The following MAP1B variants were observed in gnomAD, a reference collection of about 807,000 sequenced individuals.
MAP1B encodes microtubule associated protein 1B.
Under a neutral mutation model 176.1 loss-of-function variants are expected in MAP1B, and 12 were observed. The ratio of observed to expected loss-of-function variants is 0.07; its 90% CI spans 0.04 to 0.11. The LOEUF is 0.11. MAP1B is among the 10% of genes least tolerant of loss of function. The probability of loss-of-function intolerance (pLI) is 1.00; values close to 1 mark genes in which losing one functional copy is unlikely to be tolerated. For missense variants in MAP1B, 2,523 were observed against 2,990.5 expected (o/e 0.84, Z 3.65); for synonymous variants, 1,044 against 1,135.0 (o/e 0.92, Z 1.61).
chr5:72,164,550 C>T (rs1451077021), intron 2 of MAP1B, among the ~76,000 whole-genome samples: 1 of 152,176 alleles, frequency 6.6e-6, no homozygotes, highest in Non-Finnish European at 1.5e-5. Context: ...GTTGCCAACT[C>T]ATCTCTTTGC....
rs138237390 is a variant in MAP1B at position 72,142,991 on chromosome 5, A to G, written c.286+27192A>G. On this transcript the variant is annotated intron_variant, in intron 2 of 6. Transcript: ENST00000296755. ...TAAGATTTTCTAGTTGTTGTGTGAA[A>G]TCCATAGTGAAAAGTCTGATTGCAT... Among the ~76,000 whole-genome samples, 30 of 152,264 alleles carry G rather than the reference A, an allele frequency of 2.0e-4. 1 individual carries two copies. In the East Asian group the frequency reaches 2.9e-3, roughly 15 times the overall value.
chr5:72,156,828 C>G (rs906177337), intron 2 of MAP1B, among the ~76,000 whole-genome samples: 26 of 152,316 alleles, frequency 1.7e-4, no homozygotes, highest in African/African-American at 6.3e-4. Context: ...CCCCAGAGGT[C>G]CAACTGAGTA....
chr5:72,194,376 A>G lies in MAP1B; in HGVS notation c.1021A>G (p.Thr341Ala). 6.2e-7 allele frequency: 1 copy of G among 1,614,180 alleles called. No homozygotes were observed. Among genetic ancestry groups the G allele is most frequent in the Non-Finnish European group, 8.5e-7 (1 of 1,180,038 alleles). ...GGAAGAACAGTCCCAGGGCTCCACC[A>G]CAAATAGTGACTGGATGAAAAACCT... ...LEEEQSQGST[T>A]NSDWMKNLIS... is the part of the protein sequence containing the mutation. Residue 341 changes from threonine to alanine, a missense_variant, in exon 5 of 7, where the codon ACA becomes GCA. Transcript: ENST00000296755. The surrounding 1 kb of genome is among the most constrained non-coding windows in gnomAD (Gnocchi z 7.2).
In MAP1B at chr5:72,186,826, G is replaced by A. The variant is rs1746909230; in HGVS notation, c.510+72G>A. ...CTTAGGTTCCTCTTTGAGAGCACTGGGGGAGACAAAAGAAGAAGGGAGGGA... is the reference window on the plus strand; with the variant it reads ...CTTAGGTTCCTCTTTGAGAGCACTGAGGGAGACAAAAGAAGAAGGGAGGGA... On this transcript the variant is annotated intron_variant, in intron 4 of 6. Coordinates refer to ENST00000296755, the MANE Select transcript of MAP1B (RefSeq NM_005909.5). This position sits in a 1 kb window ranked among gnomAD's most constrained non-coding sequence, Gnocchi z 4.3. 14 of 1,561,530 alleles carry A rather than the reference G, an allele frequency of 9.0e-6. No homozygotes were observed. Among genetic ancestry groups the A allele is most frequent in the Non-Finnish European group, 1.1e-5 (13 of 1,142,246 alleles).
intron 2 of MAP1B, among the ~76,000 whole-genome samples, chr5:72,166,704 G>C (rs774489069): frequency 2.0e-5 from 3 of 152,128 alleles, no homozygotes; most frequent in African/African-American, 4.8e-5. Context: ...ATGACTATTC[G>C]CCGAGGATGT....
intron 2 of MAP1B, among the ~76,000 whole-genome samples, chr5:72,150,051 C>T (rs553097114): frequency 4.0e-4 from 61 of 152,240 alleles, no homozygotes; most frequent in African/African-American, 1.4e-3. Context: ...AGGCCATTTC[C>T]GCATCTTTTA....
At chr5:72,163,053 C>T (rs982080141) in intron 2 of MAP1B, among the ~76,000 whole-genome samples, 45 of 151,906 alleles carry the variant, frequency 3.0e-4, no homozygotes, top group Non-Finnish European at 6.0e-4. Flanking sequence ...CATAGTGACA[C>T]CCTGTCTGTC....
At position 72,107,621 on chromosome 5, in the gene MAP1B, C is replaced by T. The variant is rs1456500653; in HGVS notation, c.90C>T (p.His30=). The T allele has an allele frequency of 6.3e-7, 1 of 1,599,982 alleles. No homozygotes were observed. ...PAASTSPSLS[H]RFLDSKFYLL... ...CGTCCACCTCGCCTAGCCTGTCGCA[C>T]CGCTTCCTTGACAGCAAGTTCTACT... The change falls in exon 1 of 7, where the codon CAC becomes CAT. Residue 30 remains histidine (H), a synonymous_variant. Transcript: ENST00000296755.
At chr5:72,173,185 C>A (rs552299324) in intron 2 of MAP1B, among the ~76,000 whole-genome samples, 6 of 152,304 alleles carry the variant, frequency 3.9e-5, no homozygotes, top group Non-Finnish European at 7.3e-5. Context: ...CTTGAATATA[C>A]CTTAGCCATT....
chr5:72,107,528 C>A lies in MAP1B; in HGVS notation c.-4C>A. 6.4e-7 allele frequency: 1 copy of A among 1,558,610 alleles called. No individual in the cohort carries two copies. Among genetic ancestry groups the A allele is most frequent in the Non-Finnish European group, 8.6e-7 (1 of 1,156,320 alleles). Reference sequence around the variant, plus strand: ...CACTTCGCCGAGGCACAGCAGCCGGCAGGATGGCGACCGTGGTGGTGGAAG... The same window carrying A: ...CACTTCGCCGAGGCACAGCAGCCGGAAGGATGGCGACCGTGGTGGTGGAAG... On this transcript the variant is annotated 5_prime_UTR_variant, in exon 1 of 7. Transcript: ENST00000296755.
At chr5:72,155,219 T>TAG (rs1746207240) in intron 2 of MAP1B, among the ~76,000 whole-genome samples, 3 of 152,204 alleles carry the variant, frequency 2.0e-5, no homozygotes, top group Admixed American at 6.5e-5. Flanking sequence ...GTTTGGTACA[T>TAG]TTTGCTCCCC....
intron 1 of MAP1B, among the ~76,000 whole-genome samples, chr5:72,111,892 T>C (rs1384104025): frequency 3.3e-5 from 5 of 152,156 alleles, no homozygotes; most frequent in Non-Finnish European, 7.3e-5. Flanking sequence ...AACTATGAGC[T>C]CTGTATGTAA....
rs1167688390 is a variant in MAP1B at position 72,196,527 on chromosome 5, G to A, written c.3172G>A (p.Ala1058Thr). ...VVDKAAEAGG[A>T]EEQYGFLTTP... ...CGACAAGGCTGCAGAGGCTGGTGGT[G>A]CCGAGGAGCAGTATGGATTCCTCAC... Residue 1058 changes from alanine to threonine, a missense_variant, in exon 5 of 7, where the codon GCC (alanine) becomes ACC (threonine). By Grantham distance (58) the Ala-to-Thr change is moderately conservative. This residue lies in a region of MAP1B where 1,925 missense variants were observed against 2,126.0 expected (regional missense o/e 0.91). Coordinates refer to ENST00000296755, the MANE Select transcript of MAP1B (RefSeq NM_005909.5). The surrounding 1 kb of genome is among the most constrained non-coding windows in gnomAD (Gnocchi z 5.3). 6.2e-7 allele frequency: 1 copy of A among 1,613,756 alleles called. No homozygotes were observed.
At chr5:72,203,833 G>T in intron 6 of MAP1B, 32 bp downstream of exon 6, 1 of 1,592,312 alleles carries the variant, frequency 6.3e-7, no homozygotes, top group South Asian at 1.1e-5. Context: ...CTGCACTGCC[G>T]ATTGAGCTGT....
At chr5:72,128,591 A>ATTTTTT (rs1745670250) in intron 2 of MAP1B, among the ~76,000 whole-genome samples, 1 of 151,926 alleles carries the variant, frequency 6.6e-6, no homozygotes, top group Non-Finnish European at 1.5e-5. Flanking sequence ...AGTCCCAACC[A>ATTTTTT]TTTTTTTCTT....
At chr5:72,143,427 G>T (rs941594773) in intron 2 of MAP1B, among the ~76,000 whole-genome samples, 6 of 152,112 alleles carry the variant, frequency 3.9e-5, no homozygotes, top group Admixed American at 2.6e-4. Context: ...ATCCACAATT[G>T]AATTATGTCT....
chr5:72,176,200 C>A (rs1025566391), intron 2 of MAP1B, among the ~76,000 whole-genome samples: 185 of 151,758 alleles, frequency 1.2e-3, no homozygotes, highest in African/African-American at 4.3e-3. Flanking sequence ...TCCACACACA[C>A]GTGTGTGCAC....
At chr5:72,148,307 G>A (rs1746081877) in intron 2 of MAP1B, among the ~76,000 whole-genome samples, 1 of 152,082 alleles carries the variant, frequency 6.6e-6, no homozygotes, top group South Asian at 2.1e-4. Flanking sequence ...AGAATTAGGG[G>A]AACAGTCCCT....
At chr5:72,171,939 C>CTTTGAAATGATGCAGTGGAGT (rs1324316908) in intron 2 of MAP1B, among the ~76,000 whole-genome samples, 32 of 152,208 alleles carry the variant, frequency 2.1e-4, no homozygotes, top group African/African-American at 7.5e-4. Flanking sequence ...CCACCTCACC[C>CTTTGAAATGATGCAGTGGAGT]TTTGAAATGA....
Sources: allele counts gnomAD v4.1 joint callset (sites outside exome capture counted in the v4.1 genomes callset), GRCh38; gene constraint gnomAD v4.1.1; regional missense constraint gnomAD v4.1.1; non-coding constraint Gnocchi (gnomAD v3.1); transcripts MANE v1.5; gene names NCBI Gene and HGNC (gene_info 2026-07-23, HGNC 2026-07-21).